The following CHMP3 variants were observed in gnomAD, a reference collection of about 807,000 sequenced individuals.
CHMP3 encodes the protein 25.1 protein.
CHMP3 carries 8 observed loss-of-function variants against 27.4 expected under a neutral mutation model. The ratio of observed to expected loss-of-function variants is 0.29; its 90% CI spans 0.17 to 0.53. The LOEUF (loss-of-function observed/expected upper bound fraction) is 0.53, where lower values mean the gene tolerates loss of function less well. Ranked by LOEUF, CHMP3 falls within the 20% of genes least tolerant of loss-of-function variation. The probability of loss-of-function intolerance (pLI) is 0.96; values close to 1 mark genes in which losing one functional copy is unlikely to be tolerated. For synonymous variants in CHMP3, 86 were observed against 85.5 expected, an observed-to-expected ratio of 1.01 and a Z score of -0.03; for missense variants, 208 against 271.5, an observed-to-expected ratio of 0.77 and a Z score of 1.64.
At chr2:86,550,379 G>GGAGAGGGAGAGAGGGA (rs920960514) in intron 1 of CHMP3, among the ~76,000 whole-genome samples, 1 of 150,784 alleles carries the variant, frequency 6.6e-6, no homozygotes. Flanking sequence ...GAGACGGAGA[G>GGAGAGGGAGAGAGGGA]GAGAGGGAGA....
intron 2 of CHMP3, among the ~76,000 whole-genome samples, chr2:86,534,340 G>A (rs1015433835): frequency 1.3e-5 from 2 of 151,170 alleles, no homozygotes; most frequent in African/African-American, 4.9e-5. Flanking sequence ...GGGATTACAG[G>A]CACACACCAT....
At chr2:86,549,055 G>T (rs1405649598) in intron 1 of CHMP3, among the ~76,000 whole-genome samples, 1 of 143,846 alleles carries the variant, frequency 7.0e-6, no homozygotes, top group African/African-American at 2.6e-5. Context: ...GGGCAGAGGC[G>T]CCCCCCACTT....
At chr2:86,562,808 G>C (rs1677429637) in intron 1 of CHMP3, 1 of 153,512 alleles carries the variant, frequency 6.5e-6, no homozygotes, top group South Asian at 1.9e-4. Context: ...ACAAGGGCTG[G>C]GGAAAGAGGA....
At chr2:86,552,582 T>C (rs1365691410) in intron 1 of CHMP3, among the ~76,000 whole-genome samples, 1 of 152,194 alleles carries the variant, frequency 6.6e-6, no homozygotes, top group Admixed American at 6.5e-5. Flanking sequence ...TCAGGTTAGT[T>C]ACTAGCATAA....
At chr2:86,524,733 G>C (rs913243495) in intron 3 of CHMP3, among the ~76,000 whole-genome samples, 2 of 152,186 alleles carry the variant, frequency 1.3e-5, no homozygotes, top group Non-Finnish European at 2.9e-5. Context: ...ATAGGGACTA[G>C]GTGGGATGAA....
intron 1 of CHMP3, among the ~76,000 whole-genome samples, chr2:86,559,597 T>A (rs1469780836): frequency 6.6e-6 from 1 of 152,208 alleles, no homozygotes; most frequent in Non-Finnish European, 1.5e-5. Flanking sequence ...AAGTCACAGG[T>A]GTGAGAGAAA....
At chr2:86,528,253 CT>C (rs1340975002) in intron 3 of CHMP3, among the ~76,000 whole-genome samples, 2 of 152,204 alleles carry the variant, frequency 1.3e-5, no homozygotes, top group African/African-American at 4.8e-5. Context: ...CTTCTAACTT[CT>C]TTTGAGTGTG....
chr2:86,505,989 A>G, intron 5 of CHMP3, 40 bp from the exon 6 acceptor site: 1 of 1,485,904 alleles, frequency 6.7e-7, no homozygotes. Context: ...CATTGGCTTA[A>G]GGAAGCAGCC....
intron 4 of CHMP3, among the ~76,000 whole-genome samples, chr2:86,510,145 G>C (rs970284961): frequency 8.5e-5 from 13 of 152,230 alleles, no homozygotes; most frequent in African/African-American, 2.9e-4. Context: ...GTAGACTTTT[G>C]CTTCTTCTAC....
At chr2:86,525,566 C>G (rs925481449) in intron 3 of CHMP3, among the ~76,000 whole-genome samples, 1 of 151,348 alleles carries the variant, frequency 6.6e-6, no homozygotes, top group Non-Finnish European at 1.5e-5. Flanking sequence ...AAAATCCTTG[C>G]ATCAGATGGG....
intron 1 of CHMP3, among the ~76,000 whole-genome samples, chr2:86,552,120 C>G (rs1676927530): frequency 6.6e-6 from 1 of 152,152 alleles, no homozygotes; most frequent in African/African-American, 2.4e-5. Context: ...CTTGAAATAG[C>G]TCCCACTGAC....
At chr2:86,509,827 G>A (rs530073730) in intron 4 of CHMP3, among the ~76,000 whole-genome samples, 82 of 152,324 alleles carry the variant, frequency 5.4e-4, no homozygotes, top group African/African-American at 1.7e-3. Flanking sequence ...TGTGGCTGCC[G>A]GGGCTCGGCA....
chr2:86,533,319 C>T (rs1675998635), intron 2 of CHMP3, among the ~76,000 whole-genome samples: 1 of 152,174 alleles, frequency 6.6e-6, no homozygotes, highest in Non-Finnish European at 1.5e-5. Context: ...CTTCCTTAGT[C>T]AATCTAGTTA....
chr2:86,509,238 C>A (rs4832294), intron 4 of CHMP3, among the ~76,000 whole-genome samples: 116,239 of 152,138 alleles, frequency 0.76, 44,742 homozygotes, highest in East Asian at 0.95. Context: ...ATGAGCAAGC[C>A]TGAAGGCACT....
intron 2 of CHMP3, among the ~76,000 whole-genome samples, chr2:86,535,271 A>AC (rs1237652850): frequency 2.2e-4 from 33 of 151,918 alleles, no homozygotes; most frequent in Admixed American, 5.9e-4. Context: ...AAAAAAAAAA[A>AC]AAGGAATTAT....
At chr2:86,532,468 C>T (rs1265035164) in intron 2 of CHMP3, among the ~76,000 whole-genome samples, 1 of 152,056 alleles carries the variant, frequency 6.6e-6, no homozygotes, top group Non-Finnish European at 1.5e-5. Context: ...AGTTCAGTAT[C>T]GTGTTAAAGA....
chr2:86,513,602 A>AGG (rs1675185465), intron 3 of CHMP3, among the ~76,000 whole-genome samples: 1 of 151,890 alleles, frequency 6.6e-6, no homozygotes, highest in South Asian at 2.1e-4. Flanking sequence ...GTGTGAGGGC[A>AGG]GGGGTATGTG....
At chr2:86,537,690 CAGCACAAGGTATA>C (rs1163225491) in intron 2 of CHMP3, among the ~76,000 whole-genome samples, 1 of 152,080 alleles carries the variant, frequency 6.6e-6, no homozygotes, top group African/African-American at 2.4e-5. Flanking sequence ...TAGTAAAGAT[CAGCACAAGGTATA>C]AACTCAAGGT....
chr2:86,525,532 C>CA lies in CHMP3; in HGVS notation c.286+3685dup, dbSNP rs1242579774. ...TGGGCGACAGTGCGAGATCTTGTCT[C>CA]AAAAAAAAAAAAAAAAACTACTTAA... On this transcript the variant is annotated intron_variant, in intron 3 of 5. Coordinates refer to ENST00000263856, the MANE Select transcript of CHMP3 (RefSeq NM_016079.4). 6.9e-3 allele frequency among the ~76,000 whole-genome samples: 703 copies of CA among 101,470 alleles called. 4 individuals are homozygous for CA. The highest frequency in any genetic ancestry group is 0.01 in the African/African-American group (276 of 27,470). The allele number at this position is 101,470 out of a possible 152,430, so 66.6% of individuals were successfully genotyped here.
Sources: allele counts gnomAD v4.1 joint callset (sites outside exome capture counted in the v4.1 genomes callset), GRCh38; gene constraint gnomAD v4.1.1; transcripts MANE v1.5; gene names NCBI Gene and HGNC (gene_info 2026-07-23, HGNC 2026-07-21).